The following PRKG1 variants were observed in gnomAD, a reference collection of about 807,000 sequenced individuals.
PRKG1 encodes cGMP-dependent protein kinase 1.
PRKG1 carries 35 observed loss-of-function variants against 88.1 expected under a neutral mutation model. The ratio of observed to expected loss-of-function variants is 0.40; its 90% CI spans 0.30 to 0.53. The LOEUF (loss-of-function observed/expected upper bound fraction) is 0.53, where lower values mean the gene tolerates loss of function less well. Among genes scored for constraint, PRKG1 ranks in the 20% least tolerant of loss-of-function variants. The pLI is 0.59. For missense variants in PRKG1, 540 were observed against 839.8 expected (o/e 0.64, Z 4.41); for synonymous variants, 303 against 292.5 (o/e 1.04, Z -0.37).
chr10:52,057,588 G>T (rs1463485378), intron 6 of PRKG1, among the ~76,000 whole-genome samples: 1 of 152,158 alleles, frequency 6.6e-6, no homozygotes, highest in Non-Finnish European at 1.5e-5. Flanking sequence ...AAGCAAAGTT[G>T]CAGAGTTCTA....
intron 2 of PRKG1, among the ~76,000 whole-genome samples, chr10:51,446,299 T>TA (rs1839270951): frequency 6.6e-6 from 1 of 151,930 alleles, no homozygotes; most frequent in South Asian, 2.1e-4. Context: ...CCTAGATACA[T>TA]AAAATGAGAG....
chr10:51,556,141 C>T (rs1200059767), intron 3 of PRKG1, among the ~76,000 whole-genome samples: 2 of 151,952 alleles, frequency 1.3e-5, no homozygotes, highest in East Asian at 1.9e-4. Flanking sequence ...TCAAGCCTTA[C>T]AGTAAAGAAG....
At chr10:52,199,390 ACTTG>A (rs1266809649) in intron 9 of PRKG1, among the ~76,000 whole-genome samples, 1 of 152,138 alleles carries the variant, frequency 6.6e-6, no homozygotes, top group Non-Finnish European at 1.5e-5. Flanking sequence ...CAAAGATCAT[ACTTG>A]CTATGTATTC....
intron 2 of PRKG1, among the ~76,000 whole-genome samples, chr10:51,390,592 T>C (rs1837370335): frequency 6.6e-6 from 1 of 152,170 alleles, no homozygotes; most frequent in African/African-American, 2.4e-5. Flanking sequence ...CTATCAACAA[T>C]TTTCTTTTTC....
At chr10:51,352,905 C>T (rs761240069) in intron 2 of PRKG1, among the ~76,000 whole-genome samples, 4 of 151,774 alleles carry the variant, frequency 2.6e-5, no homozygotes, top group Non-Finnish European at 5.9e-5. Flanking sequence ...ACTGGCAAAA[C>T]AAACAAACAA....
At chr10:52,235,428 G>A (rs1220857375) in intron 9 of PRKG1, among the ~76,000 whole-genome samples, 94 of 141,200 alleles carry the variant, frequency 6.7e-4, no homozygotes, top group Non-Finnish European at 9.9e-4. Flanking sequence ...CCCATCTCAC[G>A]TGCAGAGACA....
chr10:51,965,896 T>C (rs1348732492), intron 5 of PRKG1, among the ~76,000 whole-genome samples: 1 of 152,164 alleles, frequency 6.6e-6, no homozygotes, highest in Non-Finnish European at 1.5e-5. Context: ...CCTTAAAATG[T>C]AATTTTGAAG....
At chr10:51,799,399 T>A (rs1839105660) in intron 3 of PRKG1, among the ~76,000 whole-genome samples, 1 of 152,012 alleles carries the variant, frequency 6.6e-6, no homozygotes, top group Admixed American at 6.6e-5. Flanking sequence ...CACTTGAAGT[T>A]TCCTCCAAGG....
At chr10:52,174,884 A>C (rs1371367149) in intron 9 of PRKG1, among the ~76,000 whole-genome samples, 1 of 152,022 alleles carries the variant, frequency 6.6e-6, no homozygotes, top group African/African-American at 2.4e-5. Flanking sequence ...TGATATATAT[A>C]ACTGTTCATA....
At chr10:51,823,697 G>T (rs552242275) in intron 4 of PRKG1, among the ~76,000 whole-genome samples, 1 of 151,840 alleles carries the variant, frequency 6.6e-6, no homozygotes, top group South Asian at 2.1e-4. Context: ...GCATTTTTTA[G>T]GTTTCCTAAT....
intron 8 of PRKG1, among the ~76,000 whole-genome samples, chr10:52,134,838 C>A (rs932711780): frequency 2.0e-5 from 3 of 152,036 alleles, no homozygotes; most frequent in Non-Finnish European, 4.4e-5. Flanking sequence ...TTTGAGAGGC[C>A]CTTCTATGCT....
At chr10:52,121,213 A>T (rs1847812629) in intron 7 of PRKG1, among the ~76,000 whole-genome samples, 6 of 151,956 alleles carry the variant, frequency 3.9e-5, no homozygotes, top group Admixed American at 3.9e-4. Flanking sequence ...CTCTCTGGAA[A>T]CCTTGCCTTC....
intron 3 of PRKG1, among the ~76,000 whole-genome samples, chr10:51,599,199 C>A (rs1367761408): frequency 6.6e-6 from 1 of 152,190 alleles, no homozygotes; most frequent in East Asian, 1.9e-4. Context: ...ACCCTCTTCT[C>A]CCCCAGGAAA....
At chr10:51,253,542 T>C (rs1401168824) in intron 2 of PRKG1, among the ~76,000 whole-genome samples, 1 of 151,882 alleles carries the variant, frequency 6.6e-6, no homozygotes, top group East Asian at 1.9e-4. Context: ...GTTACATATT[T>C]CATTCATCTC....
rs369314597 is a variant in PRKG1, at chr10:51,402,277, T to C, written c.479-65446T>C. Among the ~76,000 whole-genome samples the C allele has an allele frequency of 1.2e-4, 19 of 152,320 alleles. 1 individual carries two copies. The highest frequency in any genetic ancestry group is 1.2e-3 in the South Asian group (6 of 4,828). On this transcript the variant is annotated intron_variant, in intron 2 of 17. Transcript: ENST00000373980. ...ATTATTAATCAGCCAACCACCTTCT[T>C]GATATTGGAAGGGAGGCAAAATCTA...
At chr10:51,979,731 T>C (rs1358346294) in intron 5 of PRKG1, among the ~76,000 whole-genome samples, 5 of 151,448 alleles carry the variant, frequency 3.3e-5, no homozygotes, top group African/African-American at 1.2e-4. Context: ...GGAGGATGTA[T>C]ATATCCAAAA....
In PRKG1 at chr10:52,131,816, CAAAAAAAAAAAAAAAA is replaced by C. The variant is rs71459439; in HGVS notation, c.936-2009_936-1994del. On this transcript the variant is annotated intron_variant, in intron 7 of 17. Coordinates refer to ENST00000373980, the MANE Select transcript of PRKG1 (RefSeq NM_006258.4). ...GTGGGCAACAAGAGCGAAACTCCATCAAAAAAAAAAAAAAAAAAAAAAAAAAAAAAGAGGCCAGTTT... is the reference window on the plus strand; with the variant it reads ...GTGGGCAACAAGAGCGAAACTCCATCAAAAAAAAAAAAAAGAGGCCAGTTT... Among the ~76,000 whole-genome samples the C allele has an allele frequency of 1.4e-4, 6 of 44,084 alleles. No homozygotes were observed. In the South Asian group the frequency reaches 4.5e-3, roughly 33 times the overall value. 28.9% of individuals were successfully genotyped at this position (44,084 alleles called of 152,430 possible). A position where few individuals can be genotyped will look rare whatever the true frequency, so the allele number is the denominator to read the frequency against.
chr10:50,992,417 C>T (rs997402651), intron 1 of PRKG1, among the ~76,000 whole-genome samples: 1 of 152,196 alleles, frequency 6.6e-6, no homozygotes, highest in Admixed American at 6.5e-5. Context: ...GGAGTCCGCT[C>T]AGTGACCTTG....
chr10:52,257,308 C>G lies in PRKG1; in HGVS notation c.1173+5642C>G, dbSNP rs554860718. Among the ~76,000 whole-genome samples, 2 of 138,708 alleles carry G rather than the reference C, an allele frequency of 1.4e-5. 1 individual carries two copies. The highest frequency in any genetic ancestry group is 3.3e-5 in the Non-Finnish European group (2 of 61,496). The allele number at this position is 138,708 out of a possible 152,430, so 91.0% of individuals were successfully genotyped here. On this transcript the variant is annotated intron_variant, in intron 10 of 17. Transcript: ENST00000373980. ...GGCACTATAAAAACAAGCAAGCAGG[C>G]TTGGAGTGCTATGTAAACCAATTGA...
Sources: allele counts gnomAD v4.1 joint callset (sites outside exome capture counted in the v4.1 genomes callset), GRCh38; gene constraint gnomAD v4.1.1; transcripts MANE v1.5; gene names NCBI Gene and HGNC (gene_info 2026-07-23, HGNC 2026-07-21).